The following EPS15 variants were observed in gnomAD, a reference collection of about 807,000 sequenced individuals.
The protein encoded by EPS15 is epidermal growth factor receptor pathway substrate 15.
Under a neutral mutation model 113.8 loss-of-function variants are expected in EPS15, and 72 were observed. The ratio of observed to expected loss-of-function variants is 0.63; its 90% confidence interval spans 0.52 to 0.77. The LOEUF (loss-of-function observed/expected upper bound fraction) is 0.77. Ranked by LOEUF, EPS15 falls within the 30% of genes least tolerant of loss-of-function variation. The probability of loss-of-function intolerance (pLI) is 0.00; values close to 1 mark genes in which losing one functional copy is unlikely to be tolerated. For synonymous variants in EPS15, 344 were observed against 363.4 expected (o/e 0.95, Z 0.61); for missense variants, 1,048 against 1,045.8 (o/e 1.00, Z -0.03).
chr1:51,518,900 A>G (rs1644783976), intron 1 of EPS15, among the ~76,000 whole-genome samples: 1 of 151,502 alleles, frequency 6.6e-6, no homozygotes, highest in South Asian at 2.1e-4. Flanking sequence ...CGGCACCGGC[A>G]GAGCGCGGCC....
intron 21 of EPS15, among the ~76,000 whole-genome samples, chr1:51,373,947 G>A (rs867672242): frequency 1.6e-4 from 25 of 151,996 alleles, no homozygotes; most frequent in Non-Finnish European, 2.5e-4. Flanking sequence ...GCAAGACTCC[G>A]TCTCCAAAAA....
intron 12 of EPS15, among the ~76,000 whole-genome samples, chr1:51,430,018 C>T (rs774992083): frequency 6.6e-6 from 1 of 152,076 alleles, no homozygotes. Context: ...CTTCTTTGAA[C>T]ACCGAATGGC....
intron 21 of EPS15, chr1:51,372,163 T>C: frequency 2.6e-6 from 1 of 383,174 alleles, no homozygotes. Context: ...TGCACACACA[T>C]TTTTTTCATT....
chr1:51,433,641 A>C (rs1210515746), intron 12 of EPS15, among the ~76,000 whole-genome samples: 2 of 152,228 alleles, frequency 1.3e-5, no homozygotes, highest in African/African-American at 2.4e-5. Context: ...CATCTGAAAA[A>C]CTGAAATAAA....
chr1:51,394,584 C>A, intron 20 of EPS15, 137 bp from the exon 21 acceptor site: 1 of 472,578 alleles, frequency 2.1e-6, no homozygotes, highest in South Asian at 5.3e-5. Context: ...AATGTTTCCC[C>A]ATAGTGATCT....
chr1:51,464,850 GA>G (rs1412186539), intron 6 of EPS15, among the ~76,000 whole-genome samples: 1 of 152,148 alleles, frequency 6.6e-6, no homozygotes, highest in East Asian at 1.9e-4. Context: ...TTTATAGTAC[GA>G]TATGATGTGG....
At chr1:51,471,879 T>C in intron 3 of EPS15, 142 bp from the exon 4 acceptor site, 2 of 695,576 alleles carry the variant, frequency 2.9e-6, no homozygotes, top group Non-Finnish European at 2.5e-6. Context: ...GAAAGAACCC[T>C]TAAAGATCAT....
intron 12 of EPS15, among the ~76,000 whole-genome samples, chr1:51,434,596 T>A (rs1360082036): frequency 6.6e-6 from 1 of 152,022 alleles, no homozygotes; most frequent in African/African-American, 2.4e-5. Flanking sequence ...GTTTAATGGG[T>A]ATGGGGTTTC....
chr1:51,476,884 AT>A (rs1199398637), intron 2 of EPS15, among the ~76,000 whole-genome samples: 3 of 152,070 alleles, frequency 2.0e-5, no homozygotes, highest in Non-Finnish European at 4.4e-5. Flanking sequence ...TTTTGCATGG[AT>A]GTTCATCAGG....
At chr1:51,405,164 AAC>A (rs1170206170) in intron 16 of EPS15, among the ~76,000 whole-genome samples, 3 of 152,180 alleles carry the variant, frequency 2.0e-5, no homozygotes, top group Admixed American at 2.0e-4. Flanking sequence ...ACAGCCCTTT[AAC>A]ACAGTGTTAC....
intron 18 of EPS15, among the ~76,000 whole-genome samples, chr1:51,401,607 T>C (rs1439531321): frequency 6.6e-6 from 1 of 152,112 alleles, no homozygotes; most frequent in Non-Finnish European, 1.5e-5. Flanking sequence ...GAAGAAAAAA[T>C]AGATAACTGG....
intron 12 of EPS15, among the ~76,000 whole-genome samples, chr1:51,429,864 TG>T (rs1167068689): frequency 6.6e-6 from 1 of 152,132 alleles, no homozygotes; most frequent in African/African-American, 2.4e-5. Context: ...TTGGGCAGGC[TG>T]GTCTTGAACT....
At chr1:51,448,873 G>A (rs1475611738) in intron 8 of EPS15, among the ~76,000 whole-genome samples, 2 of 152,134 alleles carry the variant, frequency 1.3e-5, no homozygotes, top group Non-Finnish European at 2.9e-5. Context: ...AATTTACAAA[G>A]GTATCCCTCT....
chr1:51,508,974 A>G lies in EPS15; in HGVS notation c.33+10225T>C, dbSNP rs566007084. 8.7e-4 allele frequency among the ~76,000 whole-genome samples: 132 copies of G among 152,308 alleles called. 3 individuals carry two copies. In the South Asian group the frequency reaches 0.026, roughly 30 times the overall value. On this transcript the variant is annotated intron_variant, in intron 1 of 24. Transcript: ENST00000371733. ...TAAAACCATTAAATAATTAAAAACT[A>G]TATTACCACCAAAAGTTTCATCATA...
intron 12 of EPS15, among the ~76,000 whole-genome samples, chr1:51,435,980 A>T (rs1036676097): frequency 4.6e-5 from 7 of 152,196 alleles, no homozygotes; most frequent in Admixed American, 1.3e-4. Flanking sequence ...GAAGAATAAA[A>T]GTGGTGGTAT....
At chr1:51,451,902 C>CTTTTTTTT (rs945312930) in intron 8 of EPS15, among the ~76,000 whole-genome samples, 12 of 150,844 alleles carry the variant, frequency 8.0e-5, no homozygotes, top group African/African-American at 2.7e-4. Context: ...ATTTTTATTT[C>CTTTTTTTT]TTTTTTTTTG....
At chr1:51,447,604 C>A (rs955022932) in intron 9 of EPS15, among the ~76,000 whole-genome samples, 1 of 151,742 alleles carries the variant, frequency 6.6e-6, no homozygotes, top group African/African-American at 2.4e-5. Flanking sequence ...TAATTTGATC[C>A]CAAAGAATCA....
chr1:51,484,237 CAT>C (rs1232708169), intron 1 of EPS15, among the ~76,000 whole-genome samples: 2 of 152,000 alleles, frequency 1.3e-5, no homozygotes, highest in African/African-American at 4.8e-5. Flanking sequence ...TTCAGCTTAA[CAT>C]ATGTCTCCGA....
chr1:51,414,655 C>T (rs1650044407), intron 13 of EPS15, among the ~76,000 whole-genome samples: 1 of 152,040 alleles, frequency 6.6e-6, no homozygotes, highest in Non-Finnish European at 1.5e-5. Context: ...CTCCCTCATA[C>T]CCCAAAGAAA....
Sources: allele counts gnomAD v4.1 joint callset (sites outside exome capture counted in the v4.1 genomes callset), GRCh38; gene constraint gnomAD v4.1.1; transcripts MANE v1.5; gene names NCBI Gene and HGNC (gene_info 2026-07-23, HGNC 2026-07-21).